DYM: variants seen among roughly 807,000 people sequenced by gnomAD.
DYM encodes dymeclin, also known as dyggve-Melchior-Clausen syndrome protein.
Under a neutral mutation model 93.1 loss-of-function variants are expected in DYM, and 78 were observed. That is an observed-to-expected ratio of 0.84 (90% CI 0.70 to 1.01). DYM has a LOEUF of 1.01. Ranked by LOEUF, DYM falls within the 50% of genes least tolerant of loss-of-function variation. DYM has a pLI of 0.00. For missense variants in DYM, 789 were observed against 845.0 expected (o/e 0.93, Z 0.82); for synonymous variants, 321 against 319.7 (o/e 1.00, Z -0.04).
In DYM at chr18:49,163,791, G is replaced by A. The variant is rs765983080; in HGVS notation, c.1626-4C>T. The A allele has an allele frequency of 1.3e-6, 2 of 1,594,448 alleles. No individual in the cohort carries two copies. Among genetic ancestry groups the A allele is most frequent in the South Asian group, 2.2e-5 (2 of 89,064 alleles). On this transcript the variant is annotated splice_polypyrimidine_tract_variant and splice_region_variant and intron_variant, in intron 14 of 17. Transcript: ENST00000675505. ...TTTAGACAGCAAAGAAAATAAACTG[G>A]AAAAACAAACAAAAAACCAATTATA...
At chr18:49,386,726 G>A (rs1168738825) in intron 3 of DYM, among the ~76,000 whole-genome samples, 1 of 152,194 alleles carries the variant, frequency 6.6e-6, no homozygotes, top group East Asian at 1.9e-4. Context: ...GAAAGTCTGA[G>A]TGAAGGGTGT....
At chr18:49,359,967 T>C (rs1057016715) in intron 6 of DYM, 6 of 152,224 alleles carry the variant, frequency 3.9e-5, no homozygotes, top group Non-Finnish European at 8.8e-5. Flanking sequence ...ACAAACCTTC[T>C]TGTAGGATGG....
chr18:49,134,831 G>A (rs1402158380), intron 15 of DYM, among the ~76,000 whole-genome samples: 1 of 152,214 alleles, frequency 6.6e-6, no homozygotes, highest in Non-Finnish European at 1.5e-5. Context: ...TTCTCAGCCG[G>A]GCATGGTGGC....
intron 8 of DYM, among the ~76,000 whole-genome samples, chr18:49,314,264 C>T (rs550996210): frequency 6.6e-6 from 1 of 152,288 alleles, no homozygotes; most frequent in East Asian, 1.9e-4. Context: ...TTTCAAGCTG[C>T]TTTTCACTCA....
chr18:49,242,578 A>G (rs1370500385), intron 13 of DYM, among the ~76,000 whole-genome samples: 1 of 152,218 alleles, frequency 6.6e-6, no homozygotes, highest in Non-Finnish European at 1.5e-5. Context: ...ATTTTAATAC[A>G]TGGTTTATTT....
At chr18:49,095,998 C>G (rs777512228) in intron 17 of DYM, among the ~76,000 whole-genome samples, 1 of 152,012 alleles carries the variant, frequency 6.6e-6, no homozygotes, top group Non-Finnish European at 1.5e-5. Context: ...TTTTTTTGTA[C>G]TGGTTCACAT....
intron 15 of DYM, among the ~76,000 whole-genome samples, chr18:49,144,367 T>G: frequency 6.6e-6 from 1 of 152,192 alleles, no homozygotes; most frequent in Middle Eastern, 3.4e-3. Flanking sequence ...AGGAGAAACA[T>G]AATCTATGGT....
At chr18:49,293,592 CAT>C (rs1201103298) in intron 8 of DYM, among the ~76,000 whole-genome samples, 1 of 151,976 alleles carries the variant, frequency 6.6e-6, no homozygotes, top group Admixed American at 6.6e-5. Flanking sequence ...GATGAGCTTT[CAT>C]ATGTTTGTTG....
At chr18:49,077,921 T>C (rs914668720) in intron 17 of DYM, among the ~76,000 whole-genome samples, 1 of 152,218 alleles carries the variant, frequency 6.6e-6, no homozygotes, top group African/African-American at 2.4e-5. Flanking sequence ...TTAATGAGTG[T>C]TTGGTCCATT....
At chr18:49,108,346 G>C (rs572669405) in intron 16 of DYM, among the ~76,000 whole-genome samples, 1 of 152,336 alleles carries the variant, frequency 6.6e-6, no homozygotes, top group East Asian at 1.9e-4. Context: ...CTGACCCCTT[G>C]TGCTTCCCGG....
At chr18:49,423,584 C>CA (rs1040496969) in intron 2 of DYM, among the ~76,000 whole-genome samples, 2 of 151,926 alleles carry the variant, frequency 1.3e-5, no homozygotes, top group Admixed American at 6.6e-5. Context: ...AAAAACCCTT[C>CA]AAAAAAATCA....
chr18:49,415,410 GGTT>G (rs952663932), intron 2 of DYM, among the ~76,000 whole-genome samples: 10 of 149,170 alleles, frequency 6.7e-5, no homozygotes. Context: ...AGTTACTCTT[GGTT>G]GTTATTATTT....
At chr18:49,369,682 G>T (rs1300049858) in intron 5 of DYM, among the ~76,000 whole-genome samples, 2 of 152,294 alleles carry the variant, frequency 1.3e-5, no homozygotes, top group Non-Finnish European at 2.9e-5. Flanking sequence ...AGTTCCAGGA[G>T]AAAGCAAACA....
At chr18:49,237,330 T>C (rs1050489498) in intron 13 of DYM, among the ~76,000 whole-genome samples, 2 of 152,236 alleles carry the variant, frequency 1.3e-5, no homozygotes, top group Non-Finnish European at 2.9e-5. Flanking sequence ...TTAGCAATAT[T>C]CACTGGATAA....
rs537966705 is a variant in DYM, at chr18:49,046,766, G to A, written c.2026-2562C>T. Among the ~76,000 whole-genome samples, 230 of 152,052 alleles carry A rather than the reference G, an allele frequency of 1.5e-3. 2 individuals are homozygous for A. The highest frequency in any genetic ancestry group is 2.0e-3 in the Non-Finnish European group (133 of 68,014). On this transcript the variant is annotated intron_variant, in intron 17 of 17. Transcript: ENST00000675505. ...AATTTAAAAATTAGCCAGATGTGAT[G>A]GCGCATGTCTGTAGCTACTCAAGAG...
rs111744206 is a variant in DYM, at chr18:49,391,584, C to T, written c.193+9G>A. ...AAAACAACACCCCACACACATTTTTCCCACTTACCTAATGACCTGCAGACT... is the reference window on the plus strand; with the variant it reads ...AAAACAACACCCCACACACATTTTTTCCACTTACCTAATGACCTGCAGACT... On this transcript the variant is annotated intron_variant, in intron 3 of 17. Transcript: ENST00000675505. 2.3e-3 allele frequency: 3,686 copies of T among 1,613,148 alleles called. 58 individuals are homozygous for T. In the African/African-American group the frequency reaches 0.04, roughly 17 times the overall value.
At chr18:49,068,371 G>C (rs1246944152) in intron 17 of DYM, among the ~76,000 whole-genome samples, 1 of 152,174 alleles carries the variant, frequency 6.6e-6, no homozygotes, top group Non-Finnish European at 1.5e-5. Flanking sequence ...TGAGAGAAAG[G>C]ATATTTTTTG....
intron 13 of DYM, among the ~76,000 whole-genome samples, chr18:49,216,832 T>C (rs534193688): frequency 1.3e-5 from 2 of 152,246 alleles, no homozygotes; most frequent in East Asian, 3.9e-4. Flanking sequence ...CTGGAAACTC[T>C]AAAAAGCAGA....
chr18:49,390,299 A>G (rs1265799265), intron 3 of DYM, among the ~76,000 whole-genome samples: 1 of 152,098 alleles, frequency 6.6e-6, no homozygotes, highest in Non-Finnish European at 1.5e-5. Flanking sequence ...GTGTGGTGCC[A>G]TGCACCTATA....
Sources: gnomAD v4.1 joint callset for allele counts (sites outside exome capture counted in the v4.1 genomes callset) on GRCh38, gnomAD v4.1.1 for gene constraint, MANE v1.5 for transcripts, NCBI Gene and HGNC (gene_info 2026-07-23, HGNC 2026-07-21) for gene names.